IGDCC3: variants seen among roughly 807,000 people sequenced by gnomAD.
IGDCC3 encodes the protein putative neuronal cell adhesion molecule.
In IGDCC3, 47 loss-of-function variants were observed where a neutral mutation model predicts 72.0. The ratio of observed to expected loss-of-function variants is 0.65; its 90% CI spans 0.52 to 0.83. The LOEUF (loss-of-function observed/expected upper bound fraction) is 0.83. Among genes scored for constraint, IGDCC3 ranks in the 40% least tolerant of loss-of-function variants. The probability of loss-of-function intolerance (pLI) is 0.00; values close to 1 mark genes in which losing one functional copy is unlikely to be tolerated. For synonymous variants in IGDCC3, 477 were observed against 472.8 expected, an observed-to-expected ratio of 1.01 and a Z score of -0.11; for missense variants, 1,038 against 1,091.3, an observed-to-expected ratio of 0.95 and a Z score of 0.69.
chr15:65,329,425 C>A lies in IGDCC3; in HGVS notation c.2170G>T (p.Ala724Ser). 6.2e-7 allele frequency: 1 copy of A among 1,602,826 alleles called. No individual in the cohort carries two copies. Among genetic ancestry groups the A allele is most frequent in the Non-Finnish European group, 8.5e-7 (1 of 1,176,108 alleles). Residue 724 changes from alanine (A) to serine (S), a missense_variant, in exon 13 of 14, where the codon GCC becomes TCC. Coordinates refer to ENST00000327987, the MANE Select transcript of IGDCC3 (RefSeq NM_004884.4). The surrounding 1 kb of genome is among the most constrained non-coding windows in gnomAD (Gnocchi z 4.1). ...MKELEQLFPP[A>S]SAAGQPDPRP... The stretch of plus-strand genomic sequence containing the variant: ...GGGTCCGGCTGCCCTGCTGCGCTGG[C>A]CGGGGGGAACAGCTGCTCCAGCTCC...
intron 2 of IGDCC3, among the ~76,000 whole-genome samples, chr15:65,341,320 A>G (rs2091079451): frequency 6.6e-6 from 1 of 152,176 alleles, no homozygotes. Flanking sequence ...ACGGTATGAT[A>G]ACTCCTCAAA....
chr15:65,337,953 G>C (rs1457726810), intron 2 of IGDCC3, among the ~76,000 whole-genome samples: 2 of 152,176 alleles, frequency 1.3e-5, no homozygotes, highest in Admixed American at 1.3e-4. Flanking sequence ...CCCCATCCTG[G>C]GCTCCCTGGA....
At chr15:65,375,909 T>C (rs1225772058) in intron 1 of IGDCC3, among the ~76,000 whole-genome samples, 1 of 152,220 alleles carries the variant, frequency 6.6e-6, no homozygotes, top group African/African-American at 2.4e-5. Flanking sequence ...CATAGGGTTG[T>C]ATGACATGAT....
chr15:65,362,495 C>T (rs1277274058), intron 2 of IGDCC3, among the ~76,000 whole-genome samples: 2 of 150,528 alleles, frequency 1.3e-5, no homozygotes, highest in African/African-American at 4.9e-5. Context: ...CTCCAGGACT[C>T]CCCTGGCTTC....
Position 65,335,293 on chromosome 15 carries a change from GAC to G in IGDCC3, c.681_682del (p.Ser228ArgfsTer17). 5 of 1,608,808 alleles carry G rather than the reference GAC, an allele frequency of 3.1e-6. No individual in the cohort carries two copies. Among genetic ancestry groups the G allele is most frequent in the Non-Finnish European group, 4.2e-6 (5 of 1,177,270 alleles). ...GGAAAGTGCTGAAGGACCCTCACCTGACACAGTGAGCCTGGCCCCGTGGCTGA... is the reference window on the plus strand; with the variant it reads ...GGAAAGTGCTGAAGGACCCTCACCTGACAGTGAGCCTGGCCCCGTGGCTGA... On this transcript the variant is annotated frameshift_variant, in exon 4 of 14. Coordinates refer to ENST00000327987, the MANE Select transcript of IGDCC3 (RefSeq NM_004884.4). LOFTEE classifies it high-confidence loss of function.
At position 65,329,798 on chromosome 15, in the gene IGDCC3, A is replaced by AC; in HGVS notation, c.1924dup (p.Val642GlyfsTer30). 1 of 1,614,114 alleles carries AC rather than the reference A, an allele frequency of 6.2e-7. No homozygotes were observed. Among genetic ancestry groups the AC allele is most frequent in the Non-Finnish European group, 8.5e-7 (1 of 1,180,008 alleles). ...AGTGACCCCGATGTGGATGCCGATG[A>AC]CGATGCCTGTGGTGGACGTCTGGTT... On this transcript the variant is annotated frameshift_variant, in exon 12 of 14. Transcript: ENST00000327987. LOFTEE classifies it high-confidence loss of function. The surrounding 1 kb of genome is among the most constrained non-coding windows in gnomAD (Gnocchi z 4.1).
chr15:65,347,725 G>A lies in IGDCC3; in HGVS notation c.410-11769C>T, dbSNP rs577134892. 4.1e-4 allele frequency among the ~76,000 whole-genome samples: 63 copies of A among 152,222 alleles called. 1 individual carries two copies. The Middle Eastern group carries it at 0.01, about 25-fold the overall frequency. On this transcript the variant is annotated intron_variant, in intron 2 of 13. Coordinates refer to ENST00000327987, the MANE Select transcript of IGDCC3 (RefSeq NM_004884.4). ...ACGGGTGGATCACCTGAGGTCAGGA[G>A]TTCGAGACCAGCCTGACCAACATGG...
intron 2 of IGDCC3, among the ~76,000 whole-genome samples, chr15:65,346,346 A>C (rs1457676762): frequency 6.6e-6 from 1 of 152,202 alleles, no homozygotes; most frequent in Non-Finnish European, 1.5e-5. Flanking sequence ...AGTCTAGCCC[A>C]CTGGGTTGTA....
At chr15:65,375,932 A>AG (rs1474224313) in intron 1 of IGDCC3, among the ~76,000 whole-genome samples, 1 of 152,234 alleles carries the variant, frequency 6.6e-6, no homozygotes, top group African/African-American at 2.4e-5. Context: ...ACAGACTCAA[A>AG]GGCACTATGA....
chr15:65,356,312 AT>A (rs2091219590), intron 2 of IGDCC3: 1 of 153,612 alleles, frequency 6.5e-6, no homozygotes, highest in Non-Finnish European at 1.4e-5. Flanking sequence ...AAGAGGGAAG[AT>A]GGGGCACTGT....
Position 65,377,428 on chromosome 15 carries a change from C to G in IGDCC3, c.103+258G>C, listed in dbSNP as rs2091365649. Among the ~76,000 whole-genome samples the G allele has an allele frequency of 6.6e-6, 1 of 152,186 alleles. No individual in the cohort carries two copies. Among genetic ancestry groups the G allele is most frequent in the Admixed American group, 6.5e-5 (1 of 15,280 alleles). The stretch of plus-strand genomic sequence containing the variant: ...CCGCTTGCTCCCGCTTCGCTGCACT[C>G]CTTGCTCCTCAGTCTGGGCTCCGGG... On this transcript the variant is annotated intron_variant, in intron 1 of 13. Coordinates refer to ENST00000327987, the MANE Select transcript of IGDCC3 (RefSeq NM_004884.4). This position sits in a 1 kb window ranked among gnomAD's most constrained non-coding sequence, Gnocchi z 4.9.
At position 65,377,276 on chromosome 15, in the gene IGDCC3, C is replaced by A. The variant is rs923707425; in HGVS notation, c.103+410G>T. Among the ~76,000 whole-genome samples, 1 of 152,196 alleles carries A rather than the reference C, an allele frequency of 6.6e-6. No individual in the cohort carries two copies. Among genetic ancestry groups the A allele is most frequent in the Non-Finnish European group, 1.5e-5 (1 of 68,020 alleles). On this transcript the variant is annotated intron_variant, in intron 1 of 13. Coordinates refer to ENST00000327987, the MANE Select transcript of IGDCC3 (RefSeq NM_004884.4). The surrounding 1 kb of genome is among the most constrained non-coding windows in gnomAD (Gnocchi z 4.9). ...GTCTCCGCTCCCCAGGCTGCTGTCC[C>A]CTGTCTTGGCTGCCTCGGGCTATGT... is the stretch of plus-strand genomic sequence containing the variant.
At chr15:65,350,444 C>A (rs2091163589) in intron 2 of IGDCC3, among the ~76,000 whole-genome samples, 1 of 150,536 alleles carries the variant, frequency 6.6e-6, no homozygotes, top group Admixed American at 6.7e-5. Context: ...GCCACCACGT[C>A]CAGCCTGAGA....
chr15:65,336,510 G>A (rs1375316991), intron 2 of IGDCC3, among the ~76,000 whole-genome samples: 1 of 151,836 alleles, frequency 6.6e-6, no homozygotes, highest in Non-Finnish European at 1.5e-5. Context: ...GGGCCCGGGA[G>A]CTTTTTTTTG....
At chr15:65,369,402 A>G (rs958690030) in intron 2 of IGDCC3, among the ~76,000 whole-genome samples, 3 of 152,046 alleles carry the variant, frequency 2.0e-5, no homozygotes, top group African/African-American at 7.2e-5. Context: ...CTACCACACA[A>G]CTTCTCAGCG....
rs1453502544 is a variant in IGDCC3 at position 65,335,972 on chromosome 15, T to C, written c.410-16A>G. 1.2e-6 allele frequency: 2 copies of C among 1,613,450 alleles called. No homozygotes were observed. The highest frequency in any genetic ancestry group is 2.2e-5 in the East Asian group (1 of 44,868). ...TCCGACATGGCTGGGGGAAGAGAAG[T>C]GTATGAGTGCAGTGCGCTGCTGAGG... On this transcript the variant is annotated splice_polypyrimidine_tract_variant and intron_variant, in intron 2 of 13. Transcript: ENST00000327987.
rs199672539 is a variant in IGDCC3, at chr15:65,330,664, G to C, written c.1639C>G (p.Leu547Val). The change falls in exon 10 of 14, where the codon CTG (leucine) becomes GTG (valine). Residue 547 changes from leucine to valine, a missense_variant. By Grantham distance (32) the Leu-to-Val change is conservative. Coordinates refer to ENST00000327987, the MANE Select transcript of IGDCC3 (RefSeq NM_004884.4). Reference protein sequence around the residue: ...LQLLWEPWPRLAQHEGGFKLF... With the variant: ...LQLLWEPWPRVAQHEGGFKLF... ...TTGAAGCCGCCCTCGTGCTGGGCCA[G>C]CCGGGGCCAAGGCTCCCACAGCAGC... 2.0e-4 allele frequency: 318 copies of C among 1,613,408 alleles called. No individual in the cohort carries two copies. Among genetic ancestry groups the C allele is most frequent in the Non-Finnish European group, 2.6e-4 (307 of 1,179,762 alleles).
At position 65,328,274 on chromosome 15, in the gene IGDCC3, A is replaced by G. The variant is rs1166035467; in HGVS notation, c.*635T>C. The G allele has an allele frequency of 8.1e-6, 1 of 124,152 alleles. No homozygotes were observed. Among genetic ancestry groups the G allele is most frequent in the East Asian group, 2.4e-4 (1 of 4,244 alleles). The allele number at this position is 124,152 out of a possible 1,614,324, so 7.7% of individuals were successfully genotyped here. A position where few individuals can be genotyped will look rare whatever the true frequency, so the allele number is the denominator to read the frequency against. On this transcript the variant is annotated 3_prime_UTR_variant, in exon 14 of 14. Coordinates refer to ENST00000327987, the MANE Select transcript of IGDCC3 (RefSeq NM_004884.4). ...GGGGAAGTGCTTTTTTTTTTCTTTC[A>G]CACCTGGAAACGGGGAAGTGCTTTT...
chr15:65,337,384 CTG>C (rs1201706633), intron 2 of IGDCC3, among the ~76,000 whole-genome samples: 1 of 152,212 alleles, frequency 6.6e-6, no homozygotes. Context: ...GTCTGAGTGT[CTG>C]TGTCTGGACG....
Sources: gnomAD v4.1 joint callset for allele counts (sites outside exome capture counted in the v4.1 genomes callset) on GRCh38, gnomAD v4.1.1 for gene constraint, Gnocchi (gnomAD v3.1) non-coding constraint, MANE v1.5 for transcripts, NCBI Gene and HGNC (gene_info 2026-07-23, HGNC 2026-07-21) for gene names.